Variants in OR4N2 observed in about 807,000 individuals in gnomAD.
The protein encoded by OR4N2 is olfactory receptor family 4 subfamily N member 2, also known as olfactory receptor 4N2.
For missense variants in OR4N2, 307 were observed against 377.6 expected (o/e 0.81, Z 1.55); for synonymous variants, 141 against 140.4 (o/e 1.00, Z -0.03).
At chr14:19,813,582 G>A (rs1312616585) in intron 1 of OR4N2, among the ~76,000 whole-genome samples, 2 of 152,238 alleles carry the variant, frequency 1.3e-5, no homozygotes, top group Non-Finnish European at 2.9e-5. Flanking sequence ...TAGCCACATA[G>A]GTCATGGTAA....
intron 1 of OR4N2, among the ~76,000 whole-genome samples, chr14:19,823,561 T>TA (rs1209137855): frequency 9.9e-5 from 15 of 152,242 alleles, no homozygotes; most frequent in Admixed American, 4.6e-4. Flanking sequence ...TTTGTTTTGT[T>TA]TTTAGATGTA....
At chr14:19,827,361 A>G in intron 1 of OR4N2, 79 bp from the exon 2 acceptor site, 1 of 1,318,928 alleles carries the variant, frequency 7.6e-7, no homozygotes, top group South Asian at 1.5e-5. Context: ...CATGTGCCAA[A>G]TATTTTTTAG....
intron 1 of OR4N2, among the ~76,000 whole-genome samples, chr14:19,807,077 T>C (rs1375718634): frequency 7.0e-6 from 1 of 142,412 alleles, no homozygotes; most frequent in East Asian, 2.1e-4. Flanking sequence ...ATTTTTTAAA[T>C]AAATAAGTAA....
chr14:19,808,196 C>A (rs28852127), intron 1 of OR4N2, among the ~76,000 whole-genome samples: 855 of 152,180 alleles, frequency 5.6e-3, no homozygotes, highest in African/African-American at 0.018. Flanking sequence ...TACATTCTTA[C>A]CACTCTTCTT....
chr14:19,824,511 A>T (rs1275801830), intron 1 of OR4N2, among the ~76,000 whole-genome samples: 11 of 152,270 alleles, frequency 7.2e-5, no homozygotes, highest in Non-Finnish European at 1.5e-4. Context: ...ACTGTATGTT[A>T]GCATGTGGGA....
At chr14:19,823,350 A>G (rs1879613195) in intron 1 of OR4N2, among the ~76,000 whole-genome samples, 1 of 152,234 alleles carries the variant, frequency 6.6e-6, no homozygotes, top group Non-Finnish European at 1.5e-5. Context: ...AGGTTCACTT[A>G]CAAGTATGAA....
At chr14:19,826,237 T>G (rs1356819748) in intron 1 of OR4N2, among the ~76,000 whole-genome samples, 5 of 152,394 alleles carry the variant, frequency 3.3e-5, no homozygotes, top group Middle Eastern at 3.4e-3. Flanking sequence ...ATTTTAAATA[T>G]GAATTTTCTT....
intron 1 of OR4N2, among the ~76,000 whole-genome samples, chr14:19,820,001 G>C (rs1566466416): frequency 6.6e-6 from 1 of 152,258 alleles, no homozygotes; most frequent in Non-Finnish European, 1.5e-5. Context: ...GTTTTCCTGG[G>C]TGTCATCAGC....
intron 1 of OR4N2, among the ~76,000 whole-genome samples, chr14:19,810,492 A>G (rs559886952): frequency 3.3e-5 from 5 of 152,256 alleles, no homozygotes; most frequent in Non-Finnish European, 7.3e-5. Context: ...TATTGAGTAC[A>G]TATCCAAAGG....
intron 1 of OR4N2, among the ~76,000 whole-genome samples, chr14:19,812,180 T>A (rs1253995077): frequency 6.6e-6 from 1 of 152,264 alleles, no homozygotes; most frequent in East Asian, 1.9e-4. Flanking sequence ...AATGTTATTA[T>A]TCTTCTTCCA....
intron 1 of OR4N2, among the ~76,000 whole-genome samples, chr14:19,826,378 G>A (rs890604334): frequency 6.6e-6 from 1 of 152,238 alleles, no homozygotes; most frequent in Admixed American, 6.5e-5. Context: ...TTCATTCATT[G>A]AAGCTGTGAT....
chr14:19,827,353 T>A, intron 1 of OR4N2, 87 bp from the exon 2 acceptor site: 1 of 1,215,952 alleles, frequency 8.2e-7, no homozygotes, highest in Non-Finnish European at 1.2e-6. Flanking sequence ...AAGTACTGCA[T>A]GTGCCAAATA....
At chr14:19,823,405 C>T (rs1042147084) in intron 1 of OR4N2, among the ~76,000 whole-genome samples, 100 of 152,282 alleles carry the variant, frequency 6.6e-4, no homozygotes, top group African/African-American at 2.2e-3. Context: ...AAGAATACCA[C>T]TTAAAAGTAA....
intron 1 of OR4N2, among the ~76,000 whole-genome samples, chr14:19,804,532 A>G (rs1879116957): frequency 6.6e-6 from 1 of 152,194 alleles, no homozygotes; most frequent in South Asian, 2.1e-4. Flanking sequence ...TATTGATTTC[A>G]ATGTTTATTG....
intron 1 of OR4N2, among the ~76,000 whole-genome samples, chr14:19,820,075 G>T (rs1879526360): frequency 6.6e-6 from 1 of 152,252 alleles, no homozygotes; most frequent in East Asian, 1.9e-4. Context: ...TCCCAGAGGG[G>T]CACCAGCCAG....
intron 1 of OR4N2, among the ~76,000 whole-genome samples, chr14:19,810,385 T>C (rs562578176): frequency 1.5e-4 from 23 of 152,358 alleles, no homozygotes; most frequent in East Asian, 9.6e-4. Flanking sequence ...TATACACTGC[T>C]GGTGGGAATG....
chr14:19,806,682 G>A (rs1197501843), intron 1 of OR4N2, among the ~76,000 whole-genome samples: 3 of 152,104 alleles, frequency 2.0e-5, no homozygotes, highest in African/African-American at 7.2e-5. Flanking sequence ...AAGAAATTCT[G>A]GACTTAAATT....
intron 1 of OR4N2, among the ~76,000 whole-genome samples, chr14:19,825,129 T>TTG (rs1879659422): frequency 6.6e-6 from 1 of 152,258 alleles, no homozygotes; most frequent in Non-Finnish European, 1.5e-5. Context: ...TATTACAATT[T>TTG]TGTGTGTGTT....
intron 1 of OR4N2, among the ~76,000 whole-genome samples, chr14:19,818,089 G>A (rs1594398273): frequency 1.3e-5 from 2 of 152,320 alleles, no homozygotes; most frequent in Non-Finnish European, 1.5e-5. Flanking sequence ...CATTTGCTGA[G>A]GAGTGCTTTA....
Sources: gnomAD v4.1 joint callset for allele counts (sites outside exome capture counted in the v4.1 genomes callset) on GRCh38, gnomAD v4.1.1 for gene constraint, MANE v1.5 for transcripts, NCBI Gene and HGNC (gene_info 2026-07-23, HGNC 2026-07-21) for gene names.